PCLO: variants seen among roughly 807,000 people sequenced by gnomAD.
The protein encoded by PCLO is piccolo presynaptic cytomatrix protein.
A neutral mutation model predicts 427.5 loss-of-function variants in PCLO; 82 were observed. The ratio of observed to expected loss-of-function variants is 0.19; its 90% confidence interval spans 0.16 to 0.23. The LOEUF is 0.23. Among genes scored for constraint, PCLO ranks in the 10% least tolerant of loss-of-function variants. The pLI is 1.00. For synonymous variants in PCLO, 2,357 were observed against 2,155.4 expected (o/e 1.09, Z -2.59); for missense variants, 6,239 against 6,115.9 (o/e 1.02, Z -0.67).
At chr7:83,030,998 T>A (rs890086363) in intron 3 of PCLO, among the ~76,000 whole-genome samples, 2 of 152,190 alleles carry the variant, frequency 1.3e-5, no homozygotes, top group African/African-American at 4.8e-5. Context: ...TGATATGGTG[T>A]CACAAGGCAG....
chr7:82,864,109 T>A (rs1035709034), intron 10 of PCLO, among the ~76,000 whole-genome samples: 5 of 152,132 alleles, frequency 3.3e-5, no homozygotes, highest in Non-Finnish European at 2.9e-5. Context: ...AAGGTTTTTT[T>A]AATTTTTAAG....
chr7:83,138,703 T>C (rs1179326551), intron 2 of PCLO, among the ~76,000 whole-genome samples: 1 of 151,280 alleles, frequency 6.6e-6, no homozygotes, highest in Non-Finnish European at 1.5e-5. Context: ...ATGGAGGCTA[T>C]ATAACAACCA....
chr7:82,897,406 G>C (rs1793930070), intron 9 of PCLO, among the ~76,000 whole-genome samples: 1 of 151,430 alleles, frequency 6.6e-6, no homozygotes, highest in African/African-American at 2.4e-5. Context: ...CCATTTAATA[G>C]AAGATTACAG....
chr7:83,099,182 A>G (rs1420034912), intron 3 of PCLO, among the ~76,000 whole-genome samples: 1 of 150,078 alleles, frequency 6.7e-6, no homozygotes, highest in African/African-American at 2.5e-5. Context: ...GTGTATAGGC[A>G]AAGCTTTGGT....
chr7:83,028,077 A>C (rs1318584290), intron 3 of PCLO, among the ~76,000 whole-genome samples: 1 of 151,022 alleles, frequency 6.6e-6, no homozygotes, highest in Non-Finnish European at 1.5e-5. Flanking sequence ...CACCACTCCT[A>C]TTCAACATAG....
At position 83,079,887 on chromosome 7, in the gene PCLO, C is replaced by A. The variant is rs374075077; in HGVS notation, c.3300+54363G>T. Among the ~76,000 whole-genome samples, 25 of 151,658 alleles carry A rather than the reference C, an allele frequency of 1.6e-4. No homozygotes were observed. The East Asian group carries it at 1.7e-3, about 11-fold the overall frequency. On this transcript the variant is annotated intron_variant, in intron 3 of 24. Transcript: ENST00000333891. ...CTCTCCCTCCTCCTAACTCACCCCC[C>A]CACAGACCCCAATGTTGTTGTTCCC...
chr7:82,871,946 A>C (rs913183942), intron 10 of PCLO, among the ~76,000 whole-genome samples: 2 of 152,030 alleles, frequency 1.3e-5, no homozygotes, highest in African/African-American at 2.4e-5. Flanking sequence ...ACTTTGGACC[A>C]CAGATACATT....
In PCLO at chr7:83,099,796, C is replaced by T. The variant is rs571467488; in HGVS notation, c.3300+34454G>A. ...ATATAATCCATATCTACATCTAGAA[C>T]ATGATACATACTCCATAAAACACCT... is the stretch of plus-strand genomic sequence containing the variant. On this transcript the variant is annotated intron_variant, in intron 3 of 24. Coordinates refer to ENST00000333891, the MANE Select transcript of PCLO (RefSeq NM_033026.6). 4.0e-4 allele frequency among the ~76,000 whole-genome samples: 60 copies of T among 151,794 alleles called. 1 individual carries two copies. The Middle Eastern group carries it at 0.01, about 26-fold the overall frequency.
intron 3 of PCLO, among the ~76,000 whole-genome samples, chr7:83,080,918 A>T (rs1260434943): frequency 6.6e-6 from 1 of 151,730 alleles, no homozygotes. Flanking sequence ...ATTAGCAACA[A>T]TAACTAATAA....
intron 3 of PCLO, among the ~76,000 whole-genome samples, chr7:83,057,967 G>C (rs1183866622): frequency 3.3e-5 from 5 of 152,094 alleles, no homozygotes; most frequent in Non-Finnish European, 7.4e-5. Flanking sequence ...AACAGGATGG[G>C]ACAAAATGTA....
chr7:83,115,241 A>T (rs955866051), intron 3 of PCLO, among the ~76,000 whole-genome samples: 4 of 152,172 alleles, frequency 2.6e-5, no homozygotes, highest in African/African-American at 9.6e-5. Flanking sequence ...AGGTAGAGTA[A>T]TTCTATTTTT....
At chr7:82,835,002 G>T (rs192262248) in intron 16 of PCLO, among the ~76,000 whole-genome samples, 28 of 151,846 alleles carry the variant, frequency 1.8e-4, no homozygotes, top group African/African-American at 5.3e-4. Context: ...TGGAGTGCAG[G>T]GGTGCGATCT....
At chr7:82,828,621 TC>T (rs1393050583) in intron 16 of PCLO, among the ~76,000 whole-genome samples, 2 of 152,220 alleles carry the variant, frequency 1.3e-5, no homozygotes, top group Non-Finnish European at 1.5e-5. Flanking sequence ...TCCTTGACTT[TC>T]CATTTCCTCT....
chr7:82,993,170 C>A lies in PCLO; in HGVS notation c.3301-26683G>T, dbSNP rs1796416448. On this transcript the variant is annotated intron_variant, in intron 3 of 24. Coordinates refer to ENST00000333891, the MANE Select transcript of PCLO (RefSeq NM_033026.6). The stretch of plus-strand genomic sequence containing the variant: ...TTATAATTCTATATATTCAATGCAA[C>A]TTAATATCTCATTATAAAATTTCTT... 7.2e-5 allele frequency among the ~76,000 whole-genome samples: 11 copies of A among 151,962 alleles called. No homozygotes were observed. In the South Asian group the frequency reaches 2.3e-3, roughly 32 times the overall value.
chr7:82,809,230 AG>A (rs774813890), intron 20 of PCLO, among the ~76,000 whole-genome samples: 5 of 151,822 alleles, frequency 3.3e-5, no homozygotes, highest in Non-Finnish European at 5.9e-5. Flanking sequence ...CTCTCAAAAG[AG>A]TTTTTTATTG....
At chr7:82,841,372 C>A in intron 14 of PCLO, 87 bp downstream of exon 14, 1 of 791,886 alleles carries the variant, frequency 1.3e-6, no homozygotes, top group South Asian at 1.5e-5. Flanking sequence ...AAGAAAAATC[C>A]TAACAGTGTG....
intron 20 of PCLO, among the ~76,000 whole-genome samples, chr7:82,810,218 A>T (rs1791540702): frequency 6.6e-6 from 1 of 151,636 alleles, no homozygotes; most frequent in Admixed American, 6.6e-5. Context: ...ATAATTTCAA[A>T]ATCAAAAATT....
At chr7:83,049,578 A>AG (rs1789184032) in intron 3 of PCLO, among the ~76,000 whole-genome samples, 1 of 152,140 alleles carries the variant, frequency 6.6e-6, no homozygotes, top group African/African-American at 2.4e-5. Context: ...TGTGACAGCA[A>AG]GGGTCTAGGG....
At chr7:83,112,198 C>A (rs1273383610) in intron 3 of PCLO, among the ~76,000 whole-genome samples, 1 of 152,078 alleles carries the variant, frequency 6.6e-6, no homozygotes, top group Admixed American at 6.6e-5. Context: ...GCTGAGATTA[C>A]AAGTGCCCGC....
Sources: allele counts gnomAD v4.1 joint callset (sites outside exome capture counted in the v4.1 genomes callset), GRCh38; gene constraint gnomAD v4.1.1; transcripts MANE v1.5; gene names NCBI Gene and HGNC (gene_info 2026-07-23, HGNC 2026-07-21).